Variants in TENM3 observed in about 807,000 individuals in gnomAD.
The protein encoded by TENM3 is teneurin-3.
A neutral mutation model predicts 255.1 loss-of-function variants in TENM3; 63 were observed. The observed-to-expected ratio is 0.25, with a 90% CI of 0.20 to 0.30. The LOEUF (loss-of-function observed/expected upper bound fraction) is 0.30. Ranked by LOEUF, TENM3 falls within the 10% of genes least tolerant of loss-of-function variation. The pLI, the probability that TENM3 is intolerant of heterozygous loss-of-function variation, is 1.00. For missense variants in TENM3, 2,929 were observed against 3,461.1 expected (o/e 0.85, Z 3.86); for synonymous variants, 1,306 against 1,322.3 (o/e 0.99, Z 0.27).
At chr4:182,712,629 C>G (rs1414799174) in intron 12 of TENM3, among the ~76,000 whole-genome samples, 1 of 152,126 alleles carries the variant, frequency 6.6e-6, no homozygotes, top group Non-Finnish European at 1.5e-5. Flanking sequence ...TCTGTTAACT[C>G]TAATCTTAAG....
chr4:182,323,877 A>G (rs1763219928), intron 1 of TENM3, 69 bp from the exon 2 acceptor site: 3 of 636,242 alleles, frequency 4.7e-6, no homozygotes, highest in Non-Finnish European at 8.2e-6. Flanking sequence ...CCAGATTGAG[A>G]AGGGTAGAGA....
At chr4:181,551,838 ATGTGTGTGTGTGTGTGTGTGTGTGTGTG>A in the TENM3 span, among the ~76,000 whole-genome samples, 75 of 138,974 alleles carry the variant, frequency 5.4e-4, no homozygotes, top group African/African-American at 1.8e-3. Flanking sequence ...ATATATGTAT[ATGTGTGTGTGTGTGTGTGTGTGTGTGTG>A]TGTGTGTGTG....
the TENM3 span, among the ~76,000 whole-genome samples, chr4:181,531,232 G>T: frequency 6.6e-6 from 1 of 152,138 alleles, no homozygotes; most frequent in Non-Finnish European, 1.5e-5. Context: ...GAGCAAGGAA[G>T]GGGGAAAACA....
At chr4:181,984,534 C>T in the TENM3 span, among the ~76,000 whole-genome samples, 2 of 151,860 alleles carry the variant, frequency 1.3e-5, no homozygotes, top group African/African-American at 4.8e-5. Context: ...GTATTATTTA[C>T]TCACATTGTG....
At chr4:181,617,790 T>C in the TENM3 span, among the ~76,000 whole-genome samples, 30 of 152,220 alleles carry the variant, frequency 2.0e-4, no homozygotes, top group Non-Finnish European at 4.0e-4. Flanking sequence ...GGAATTACCA[T>C]GAGTAAACTG....
intron 1 of TENM3, among the ~76,000 whole-genome samples, chr4:182,244,082 T>C (rs934624982): frequency 1.8e-4 from 27 of 150,412 alleles, no homozygotes; most frequent in African/African-American, 6.4e-4. Context: ...GCCTCCCGAG[T>C]AGCTGGGACT....
chr4:182,262,673 G>A (rs891746790), intron 1 of TENM3, among the ~76,000 whole-genome samples: 1 of 151,890 alleles, frequency 6.6e-6, no homozygotes. Flanking sequence ...AGCCCACGGG[G>A]CTGCTCTCCT....
the TENM3 span, among the ~76,000 whole-genome samples, chr4:182,059,745 CAAAAAA>C: frequency 4.6e-5 from 2 of 43,192 alleles, no homozygotes; most frequent in East Asian, 6.2e-4. Flanking sequence ...TCTGTCTCTA[CAAAAAA>C]AAAAAAAAAA....
the TENM3 span, among the ~76,000 whole-genome samples, chr4:181,868,312 A>C: frequency 6.6e-6 from 1 of 151,714 alleles, no homozygotes; most frequent in East Asian, 1.9e-4. Context: ...GACTTCTAAC[A>C]CTGCAAATTT....
the TENM3 span, among the ~76,000 whole-genome samples, chr4:182,108,792 T>A: frequency 1.0e-3 from 157 of 152,316 alleles, no homozygotes; most frequent in African/African-American, 3.6e-3. Flanking sequence ...TAGGGTTCCT[T>A]GAATAAGCAA....
At chr4:181,610,413 T>C in the TENM3 span, among the ~76,000 whole-genome samples, 1 of 152,192 alleles carries the variant, frequency 6.6e-6, no homozygotes, top group Admixed American at 6.5e-5. Flanking sequence ...TTATTACATT[T>C]TTTGCATGCG....
chr4:182,651,698 G>GAAAAAAAAAA (rs560075723), intron 5 of TENM3, among the ~76,000 whole-genome samples: 9 of 146,258 alleles, frequency 6.2e-5, no homozygotes, highest in South Asian at 2.2e-4. Context: ...CTCCGTCTCA[G>GAAAAAAAAAA]AAAAAAAAAA....
At chr4:181,777,647 T>C in the TENM3 span, among the ~76,000 whole-genome samples, 4 of 152,274 alleles carry the variant, frequency 2.6e-5, no homozygotes, top group Admixed American at 2.6e-4. Context: ...TCTTAGTAGG[T>C]CAATGATTAT....
chr4:181,582,148 T>C, the TENM3 span, among the ~76,000 whole-genome samples: 1 of 152,250 alleles, frequency 6.6e-6, no homozygotes, highest in African/African-American at 2.4e-5. Flanking sequence ...TATTCATTGT[T>C]CCTGGTTTCA....
intron 4 of TENM3, among the ~76,000 whole-genome samples, chr4:182,623,890 C>T (rs1176644031): frequency 6.6e-6 from 1 of 152,192 alleles, no homozygotes. Flanking sequence ...TCTCTTGCAG[C>T]CATAGAAGTA....
chr4:181,689,364 T>C, the TENM3 span, among the ~76,000 whole-genome samples: 1 of 152,168 alleles, frequency 6.6e-6, no homozygotes, highest in Admixed American at 6.6e-5. Context: ...CTGGCCAAAG[T>C]GTGTGACCCA....
chr4:182,522,160 A>G (rs1028874381), intron 3 of TENM3, among the ~76,000 whole-genome samples: 9 of 152,182 alleles, frequency 5.9e-5, no homozygotes, highest in Admixed American at 4.6e-4. Context: ...CAGCACCTTA[A>G]ACATTAATTT....
chr4:181,922,381 C>T, the TENM3 span, among the ~76,000 whole-genome samples: 2 of 152,014 alleles, frequency 1.3e-5, no homozygotes, highest in African/African-American at 4.8e-5. Flanking sequence ...TTTTTGGTTG[C>T]TAAGCTATTG....
At chr4:182,123,193 C>A in the TENM3 span, among the ~76,000 whole-genome samples, 6 of 152,036 alleles carry the variant, frequency 3.9e-5, no homozygotes, top group Non-Finnish European at 5.9e-5. Context: ...TTGTTTTTTC[C>A]TATCCAGACC....
Sources: gnomAD v4.1 joint callset for allele counts (sites outside exome capture counted in the v4.1 genomes callset) on GRCh38, gnomAD v4.1.1 for gene constraint, MANE v1.5 for transcripts, NCBI Gene and HGNC (gene_info 2026-07-23, HGNC 2026-07-21) for gene names.